The following PCLO variants were observed in gnomAD, a reference collection of about 807,000 sequenced individuals.
PCLO encodes the protein protein piccolo.
In PCLO, 82 loss-of-function variants were observed where a neutral mutation model predicts 427.5. The observed-to-expected ratio is 0.19, with a 90% CI of 0.16 to 0.23. The LOEUF (loss-of-function observed/expected upper bound fraction) is 0.23. Ranked by LOEUF, PCLO falls within the 10% of genes least tolerant of loss-of-function variation. The pLI is 1.00. For synonymous variants in PCLO, 2,357 were observed against 2,155.4 expected (o/e 1.09, Z -2.59); for missense variants, 6,239 against 6,115.9 (o/e 1.02, Z -0.67).
At chr7:83,126,150 C>T (rs947596788) in intron 3 of PCLO, among the ~76,000 whole-genome samples, 11 of 152,110 alleles carry the variant, frequency 7.2e-5, no homozygotes, top group African/African-American at 2.4e-4. Context: ...TATATTCTCA[C>T]TCATATGTGG....
chr7:82,776,635 A>C (rs979358897), intron 22 of PCLO, among the ~76,000 whole-genome samples: 1 of 152,146 alleles, frequency 6.6e-6, no homozygotes, highest in African/African-American at 2.4e-5. Flanking sequence ...TCTCTACTAA[A>C]AATACAAAAA....
At chr7:82,926,514 T>C (rs1794715958) in intron 6 of PCLO, among the ~76,000 whole-genome samples, 1 of 152,208 alleles carries the variant, frequency 6.6e-6, no homozygotes, top group African/African-American at 2.4e-5. Context: ...GTATAAGTTA[T>C]TTATCAAAGT....
intron 3 of PCLO, among the ~76,000 whole-genome samples, chr7:83,062,749 C>T (rs1789571741): frequency 6.6e-6 from 1 of 152,012 alleles, no homozygotes; most frequent in Non-Finnish European, 1.5e-5. Flanking sequence ...CTTTGTATTT[C>T]CTTGGCACTT....
Position 83,162,620 on chromosome 7 carries a change from C to G in PCLO, c.-28G>C, listed in dbSNP as rs1792476344. ...CTCAGGGAGACTCGGGGCCGCCGCG[C>G]TCCCTCCTCGCGCCGCGTCCCAGTC... On this transcript the variant is annotated 5_prime_UTR_variant, in exon 1 of 25. Coordinates refer to ENST00000333891, the MANE Select transcript of PCLO (RefSeq NM_033026.6). The G allele has an allele frequency of 4.6e-6, 7 of 1,509,598 alleles. No homozygotes were observed. The Admixed American group carries it at 1.5e-4, about 32-fold the overall frequency. 93.5% of individuals were successfully genotyped at this position (1,509,598 alleles called of 1,614,324 possible). A position where few individuals can be genotyped will look rare whatever the true frequency, so the allele number is the denominator to read the frequency against.
chr7:82,917,616 A>C (rs905401657), intron 6 of PCLO, among the ~76,000 whole-genome samples: 1 of 152,236 alleles, frequency 6.6e-6, no homozygotes, highest in South Asian at 2.1e-4. Flanking sequence ...TTAGGATATC[A>C]AAAGACATGA....
At chr7:83,138,027 C>T (rs560199960) in intron 2 of PCLO, among the ~76,000 whole-genome samples, 5 of 152,232 alleles carry the variant, frequency 3.3e-5, no homozygotes, top group Middle Eastern at 3.4e-3. Flanking sequence ...GTCAACTCTG[C>T]TGTTCTACTA....
chr7:82,965,854 TATC>T lies in PCLO; in HGVS notation c.3931_3933del (p.Asp1311del), dbSNP rs1318993646. On this transcript the variant is annotated inframe_deletion, in exon 4 of 25. Coordinates refer to ENST00000333891, the MANE Select transcript of PCLO (RefSeq NM_033026.6). ...TGTTCTTTTATTGTTTTGGTTGTCT[TATC>T]ATCTTCTTTAGGTAAACTCTGAGGT... 5 of 1,613,994 alleles carry T rather than the reference TATC, an allele frequency of 3.1e-6. No individual in the cohort carries two copies. The highest frequency in any genetic ancestry group is 2.2e-5 in the South Asian group (2 of 91,082).
chr7:82,949,592 G>A lies in PCLO; in HGVS notation c.10996C>T (p.Pro3666Ser). Residue 3666 changes from proline to serine, a missense_variant, in exon 6 of 25, where the codon CCA (proline) becomes TCA (serine). By Grantham distance (74) the Pro-to-Ser change is moderately conservative (BLOSUM62 -1). This residue lies in a region of PCLO where 4,677 missense variants were observed against 4,468.4 expected (regional missense o/e 1.05). Coordinates refer to ENST00000333891, the MANE Select transcript of PCLO (RefSeq NM_033026.6). ...VLHPDMAKVP[P>S]ASPKTAKMMQ... ...ATCTTGGCTGTCTTAGGACTTGCTGGGGGAACTTTAGCCATATCTGGATGC... is the reference window on the plus strand; with the variant it reads ...ATCTTGGCTGTCTTAGGACTTGCTGAGGGAACTTTAGCCATATCTGGATGC... The A allele has an allele frequency of 6.2e-7, 1 of 1,613,834 alleles. No homozygotes were observed. Among genetic ancestry groups the A allele is most frequent in the African/African-American group, 1.3e-5 (1 of 74,996 alleles).
chr7:82,808,278 T>G (rs1791498044), intron 20 of PCLO, among the ~76,000 whole-genome samples: 1 of 151,860 alleles, frequency 6.6e-6, no homozygotes, highest in Non-Finnish European at 1.5e-5. Context: ...TAAATTAAAA[T>G]AATTTTAATT....
chr7:83,092,199 C>A (rs73170038), intron 3 of PCLO, among the ~76,000 whole-genome samples: 8,260 of 152,184 alleles, frequency 0.054, 357 homozygotes, highest in African/African-American at 0.1. Context: ...GTAAGTCACC[C>A]TGCAGAACCC....
At chr7:83,058,370 T>C (rs1309299458) in intron 3 of PCLO, among the ~76,000 whole-genome samples, 2 of 152,144 alleles carry the variant, frequency 1.3e-5, no homozygotes, top group Admixed American at 6.5e-5. Context: ...TAATGGTACA[T>C]AGAGCTGACA....
chr7:83,034,511 T>G (rs1788748209), intron 3 of PCLO, among the ~76,000 whole-genome samples: 1 of 152,158 alleles, frequency 6.6e-6, no homozygotes, highest in Admixed American at 6.6e-5. Context: ...TATAAAATAC[T>G]TTTGCGGAAA....
intron 10 of PCLO, among the ~76,000 whole-genome samples, chr7:82,863,561 A>G (rs2115930233): frequency 6.6e-6 from 1 of 152,062 alleles, no homozygotes; most frequent in East Asian, 1.9e-4. Context: ...TTCAATTTCA[A>G]ATGTTATCAA....
intron 6 of PCLO, among the ~76,000 whole-genome samples, chr7:82,938,464 T>G (rs1220492700): frequency 6.6e-6 from 1 of 151,952 alleles, no homozygotes; most frequent in East Asian, 1.9e-4. Flanking sequence ...CCTTTTAGTC[T>G]CTCAATGTCA....
intron 9 of PCLO, among the ~76,000 whole-genome samples, chr7:82,895,130 A>C (rs998688583): frequency 6.6e-6 from 1 of 152,072 alleles, no homozygotes; most frequent in African/African-American, 2.4e-5. Flanking sequence ...ATCATACCAA[A>C]TAGGTTTTCC....
chr7:83,126,675 T>C (rs1791447602), intron 3 of PCLO, among the ~76,000 whole-genome samples: 1 of 152,014 alleles, frequency 6.6e-6, no homozygotes, highest in South Asian at 2.1e-4. Context: ...TTGATAAAGA[T>C]TTAAATTATC....
chr7:82,951,069 A>G lies in PCLO; in HGVS notation c.9519T>C (p.Leu3173=), dbSNP rs117636778. The change falls in exon 6 of 25, where the codon CTT becomes CTC. Residue 3173 remains leucine (L), a synonymous_variant. Transcript: ENST00000333891. Reference sequence around the variant, plus strand: ...GAACAGAGTCTATCGTCTCAGCAGTAAGAGACTCCATAGTAATAGTTTGCA... The same window carrying G: ...GAACAGAGTCTATCGTCTCAGCAGTGAGAGACTCCATAGTAATAGTTTGCA... ...ASLQTITMES[L]TAETIDSVPT... is the part of the protein sequence containing the mutation. The G allele has an allele frequency of 1.8e-3, 2,907 of 1,613,900 alleles. 8 individuals carry two copies. The highest frequency in any genetic ancestry group is 2.2e-3 in the Non-Finnish European group (2,547 of 1,179,826).
intron 3 of PCLO, among the ~76,000 whole-genome samples, chr7:83,108,165 G>A (rs1192952364): frequency 6.6e-6 from 1 of 151,940 alleles, no homozygotes; most frequent in Non-Finnish European, 1.5e-5. Flanking sequence ...ATACATGTGA[G>A]AGAAAAAAAT....
chr7:82,868,260 T>C (rs1584075410), intron 10 of PCLO: 1 of 456,170 alleles, frequency 2.2e-6, no homozygotes, highest in East Asian at 7.0e-5. Context: ...GCATTCTTCC[T>C]TATGTTATGC....
Sources: allele counts gnomAD v4.1 joint callset (sites outside exome capture counted in the v4.1 genomes callset), GRCh38; gene constraint gnomAD v4.1.1; regional missense constraint gnomAD v4.1.1; transcripts MANE v1.5; gene names NCBI Gene and HGNC (gene_info 2026-07-23, HGNC 2026-07-21).